ARHGAP28: variants seen among roughly 807,000 people sequenced by gnomAD.
The protein encoded by ARHGAP28 is Rho GTPase activating protein 28.
In ARHGAP28, 56 loss-of-function variants were observed where a neutral mutation model predicts 90.7. The observed-to-expected ratio is 0.62, with a 90% CI of 0.50 to 0.77. The LOEUF (loss-of-function observed/expected upper bound fraction) is 0.77. Among genes scored for constraint, ARHGAP28 ranks in the 30% least tolerant of loss-of-function variants. The probability of loss-of-function intolerance (pLI) is 0.00; values close to 1 mark genes in which losing one functional copy is unlikely to be tolerated. For synonymous variants in ARHGAP28, 308 were observed against 323.3 expected (o/e 0.95, Z 0.51); for missense variants, 869 against 900.9 (o/e 0.96, Z 0.45).
chr18:6,865,412 C>T (rs1050999825), intron 5 of ARHGAP28, among the ~76,000 whole-genome samples: 7 of 152,136 alleles, frequency 4.6e-5, no homozygotes, highest in African/African-American at 1.7e-4. Flanking sequence ...TTAAGTTGGT[C>T]TCTGGGGACT....
At chr18:6,903,442 C>T (rs1252604099) in intron 16 of ARHGAP28, among the ~76,000 whole-genome samples, 3 of 152,042 alleles carry the variant, frequency 2.0e-5, no homozygotes, top group Admixed American at 6.6e-5. Context: ...CAGTAAACTG[C>T]AATAAGTTAC....
intron 1 of ARHGAP28, among the ~76,000 whole-genome samples, chr18:6,738,608 TA>T (rs5822922): frequency 0.48 from 73,522 of 151,914 alleles, 18,343 homozygotes; most frequent in South Asian, 0.7. Context: ...CTCAACATCC[TA>T]AAATGACATT....
intron 1 of ARHGAP28, among the ~76,000 whole-genome samples, chr18:6,809,197 A>C (rs1286705131): frequency 6.6e-6 from 1 of 152,152 alleles, no homozygotes; most frequent in East Asian, 1.9e-4. Flanking sequence ...CTCTTGTCAA[A>C]TCTTAAAATG....
At chr18:6,797,417 G>T (rs563967411) in intron 1 of ARHGAP28, among the ~76,000 whole-genome samples, 1 of 152,292 alleles carries the variant, frequency 6.6e-6, no homozygotes, top group South Asian at 2.1e-4. Context: ...GGCTAGAATT[G>T]TCCTGGCAGT....
rs1600264036 is a variant in ARHGAP28, at chr18:6,867,608, T to TTCAATTAAAAAAA, written c.727-542_727-541insTCAATTAAAAAAA. ...GATTTCAATTTAAAAAATACCAAAT[T>TTCAATTAAAAAAA]AATTAAGAGGGGAAATTGAATTAGA... is the stretch of plus-strand genomic sequence containing the variant. On this transcript the variant is annotated intron_variant, in intron 5 of 17. Coordinates refer to ENST00000383472, the MANE Select transcript of ARHGAP28 (RefSeq NM_001366230.1). 2.6e-5 allele frequency among the ~76,000 whole-genome samples: 4 copies of TTCAATTAAAAAAA among 152,212 alleles called. 1 individual carries two copies. The East Asian group carries it at 7.7e-4, about 29-fold the overall frequency.
At chr18:6,816,291 T>C (rs567775742) in intron 1 of ARHGAP28, among the ~76,000 whole-genome samples, 18 of 152,180 alleles carry the variant, frequency 1.2e-4, no homozygotes, top group Non-Finnish European at 2.4e-4. Context: ...GTTGAGTTGT[T>C]TATAAACATG....
chr18:6,729,911 G>T lies in ARHGAP28; in HGVS notation c.90G>T (p.Ala30=). ...CCCCCAACGCCGAGTCGCGCTGCGC[G>T]CCCCGCGCCGCAGCCAGCCACCCGC... ...AQPPNAESRC[A]PRAAASHPLS... The change falls in exon 1 of 18, where the codon GCG becomes GCT. Residue 30 remains alanine, a synonymous_variant. Coordinates refer to ENST00000383472, the MANE Select transcript of ARHGAP28 (RefSeq NM_001366230.1). The T allele has an allele frequency of 7.1e-7, 1 of 1,409,492 alleles. No individual in the cohort carries two copies. The highest frequency in any genetic ancestry group is 1.5e-5 in the South Asian group (1 of 66,084). 87.3% of individuals were successfully genotyped at this position (1,409,492 alleles called of 1,614,324 possible).
intron 2 of ARHGAP28, among the ~76,000 whole-genome samples, chr18:6,835,210 C>G (rs1040811914): frequency 2.0e-5 from 3 of 152,158 alleles, no homozygotes; most frequent in African/African-American, 7.2e-5. Flanking sequence ...TCCTCCCACT[C>G]TTTCATTACT....
chr18:6,896,820 T>G, intron 16 of ARHGAP28, 194 bp downstream of exon 16: 1 of 553,742 alleles, frequency 1.8e-6, no homozygotes, highest in Non-Finnish European at 3.0e-6. Context: ...AAAAGTTGTT[T>G]TTCAAAGGAA....
chr18:6,861,716 C>T (rs1021106217), intron 5 of ARHGAP28, among the ~76,000 whole-genome samples: 2 of 152,184 alleles, frequency 1.3e-5, no homozygotes, highest in Non-Finnish European at 2.9e-5. Context: ...TCCATGGCCA[C>T]AATTTTATTT....
intron 5 of ARHGAP28, among the ~76,000 whole-genome samples, chr18:6,864,551 A>T (rs2057023601): frequency 6.6e-6 from 1 of 152,202 alleles, no homozygotes; most frequent in African/African-American, 2.4e-5. Context: ...GTTTATTTAC[A>T]TTATAATTTT....
chr18:6,909,300 C>CTTTTCTTTTCTTTTCTTTTCTTTTCT (rs2057382798), intron 17 of ARHGAP28, among the ~76,000 whole-genome samples: 2 of 122,042 alleles, frequency 1.6e-5, no homozygotes, highest in Middle Eastern at 4.2e-3. Flanking sequence ...CTTTTCTTTT[C>CTTTTCTTTTCTTTTCTTTTCTTTTCT]TTTTTTTTTT....
At chr18:6,795,477 C>T (rs2056435442) in intron 1 of ARHGAP28, among the ~76,000 whole-genome samples, 1 of 152,176 alleles carries the variant, frequency 6.6e-6, no homozygotes, top group Non-Finnish European at 1.5e-5. Flanking sequence ...TTGCTCTAGA[C>T]CAGGGATTGG....
chr18:6,734,797 G>A (rs1264990210), intron 1 of ARHGAP28, among the ~76,000 whole-genome samples: 1 of 152,090 alleles, frequency 6.6e-6, no homozygotes, highest in African/African-American at 2.4e-5. Context: ...ATACTTTCTT[G>A]AGAGGATTCA....
rs1407595502 is a variant in ARHGAP28 at position 6,914,704 on chromosome 18, C to G, written c.*2550C>G. On this transcript the variant is annotated 3_prime_UTR_variant, in exon 18 of 18. Coordinates refer to ENST00000383472, the MANE Select transcript of ARHGAP28 (RefSeq NM_001366230.1). ...ATGCTATCCTTAAGAGCTTCTCCCC[C>G]TCACCCATTCCTAGTGCTCTTGGTA... The G allele has an allele frequency of 1.3e-5, 2 of 152,164 alleles. No homozygotes were observed. Among genetic ancestry groups the G allele is most frequent in the South Asian group, 2.1e-4 (1 of 4,826 alleles). The allele number at this position is 152,164 out of a possible 1,614,324, so 9.4% of individuals were successfully genotyped here.
At chr18:6,834,449 T>C (rs2056737586) in intron 2 of ARHGAP28, 1 of 152,072 alleles carries the variant, frequency 6.6e-6, no homozygotes, top group South Asian at 2.1e-4. Context: ...TGTGACAAAA[T>C]AGAATGTTGA....
At chr18:6,904,160 G>A (rs763185165) in intron 16 of ARHGAP28, among the ~76,000 whole-genome samples, 16 of 152,296 alleles carry the variant, frequency 1.1e-4, no homozygotes, top group Non-Finnish European at 1.8e-4. Flanking sequence ...TTGGGAGACC[G>A]AGGCAGGCGG....
intron 1 of ARHGAP28, among the ~76,000 whole-genome samples, chr18:6,738,163 C>T (rs1282466921): frequency 3.3e-5 from 5 of 152,116 alleles, no homozygotes; most frequent in Admixed American, 1.3e-4. Context: ...CTTGAACTGT[C>T]AAACACTTGA....
At chr18:6,871,898 C>T (rs1374574051) in intron 7 of ARHGAP28, among the ~76,000 whole-genome samples, 1 of 151,978 alleles carries the variant, frequency 6.6e-6, no homozygotes, top group Non-Finnish European at 1.5e-5. Flanking sequence ...TAAGGTGGAC[C>T]CTAGTGATTA....
Sources: gnomAD v4.1 joint callset for allele counts (sites outside exome capture counted in the v4.1 genomes callset) on GRCh38, gnomAD v4.1.1 for gene constraint, MANE v1.5 for transcripts, NCBI Gene and HGNC (gene_info 2026-07-23, HGNC 2026-07-21) for gene names.